ATP9B: variants seen among roughly 807,000 people sequenced by gnomAD.
The protein encoded by ATP9B is probable phospholipid-transporting ATPase IIB.
ATP9B carries 110 observed loss-of-function variants against 146.1 expected under a neutral mutation model. The ratio of observed to expected loss-of-function variants is 0.75; its 90% CI spans 0.65 to 0.88. ATP9B has a LOEUF of 0.88. Ranked by LOEUF, ATP9B falls within the 40% of genes least tolerant of loss-of-function variation. ATP9B has a pLI of 0.00. For synonymous variants in ATP9B, 604 were observed against 569.7 expected (o/e 1.06, Z -0.86); for missense variants, 1,499 against 1,496.4 (o/e 1.00, Z -0.03).
intron 1 of ATP9B, among the ~76,000 whole-genome samples, chr18:79,079,291 G>A (rs1331163577): frequency 1.3e-5 from 2 of 152,200 alleles, no homozygotes; most frequent in Non-Finnish European, 2.9e-5. Context: ...GTATAAAAGT[G>A]TTCCTGTTTC....
intron 12 of ATP9B, among the ~76,000 whole-genome samples, chr18:79,258,250 A>G (rs910327263): frequency 6.6e-6 from 1 of 152,124 alleles, no homozygotes; most frequent in Non-Finnish European, 1.5e-5. Context: ...ACATGGTGAA[A>G]CCTGGTCTCT....
At chr18:79,130,411 C>A (rs2094357402) in intron 5 of ATP9B, among the ~76,000 whole-genome samples, 3 of 123,746 alleles carry the variant, frequency 2.4e-5, no homozygotes, top group African/African-American at 7.5e-5. Context: ...GTTTGAGGAG[C>A]AGAAAGAATG....
At chr18:79,337,155 G>A (rs953305923) in intron 18 of ATP9B, 124 bp from the exon 19 acceptor site, 17 of 1,267,172 alleles carry the variant, frequency 1.3e-5, no homozygotes, top group Non-Finnish European at 2.2e-6. Flanking sequence ...TACACACACA[G>A]CACGTACACG....
intron 26 of ATP9B, among the ~76,000 whole-genome samples, chr18:79,367,223 C>G: frequency 8.4e-6 from 1 of 118,648 alleles, no homozygotes; most frequent in Non-Finnish European, 1.7e-5. Flanking sequence ...AGTGCCTCCT[C>G]AACCAGAGAG....
chr18:79,228,374 C>G (rs1185624170), intron 11 of ATP9B, among the ~76,000 whole-genome samples: 1 of 152,212 alleles, frequency 6.6e-6, no homozygotes, highest in Non-Finnish European at 1.5e-5. Context: ...TCCATCTCCT[C>G]AAATTCCGCT....
At chr18:79,098,296 C>CT (rs2074979189) in intron 2 of ATP9B, among the ~76,000 whole-genome samples, 1 of 150,312 alleles carries the variant, frequency 6.7e-6, no homozygotes, top group African/African-American at 2.5e-5. Context: ...AAAACCTAGG[C>CT]ATTACCATTC....
intron 8 of ATP9B, among the ~76,000 whole-genome samples, chr18:79,192,843 T>C (rs766298624): frequency 2.6e-5 from 4 of 152,136 alleles, no homozygotes; most frequent in Non-Finnish European, 5.9e-5. Context: ...TATTTCCCCC[T>C]GAATACTTTG....
At chr18:79,282,298 A>G (rs2096386069) in intron 13 of ATP9B, among the ~76,000 whole-genome samples, 2 of 152,368 alleles carry the variant, frequency 1.3e-5, no homozygotes, top group Non-Finnish European at 2.9e-5. Flanking sequence ...CATCGACTTC[A>G]GTTTCAAATG....
intron 11 of ATP9B, among the ~76,000 whole-genome samples, chr18:79,242,587 G>C (rs1266521426): frequency 6.6e-6 from 1 of 152,176 alleles, no homozygotes; most frequent in Admixed American, 6.5e-5. Flanking sequence ...CTTTATTGTA[G>C]AGTGTCAACT....
rs1408837611 is a variant in ATP9B at position 79,110,944 on chromosome 18, AG to A, written c.444+440del. Among the ~76,000 whole-genome samples, 3 of 152,242 alleles carry A rather than the reference AG, an allele frequency of 2.0e-5. No homozygotes were observed. In the East Asian group the frequency reaches 5.8e-4, roughly 29 times the overall value. ...ACAATTTTTTATACTGAAATGATAC[AG>A]TAACAAAGTATCTGTAATATGCATA... is the stretch of plus-strand genomic sequence containing the variant. On this transcript the variant is annotated intron_variant, in intron 3 of 29. Coordinates refer to ENST00000426216, the MANE Select transcript of ATP9B (RefSeq NM_198531.5).
chr18:79,221,974 C>T (rs1035921203), intron 11 of ATP9B, among the ~76,000 whole-genome samples: 1 of 145,040 alleles, frequency 6.9e-6, no homozygotes, highest in Non-Finnish European at 1.5e-5. Flanking sequence ...TTTAAACATA[C>T]AGAAAACTAA....
chr18:79,268,471 T>C (rs540660167), intron 12 of ATP9B, among the ~76,000 whole-genome samples: 3 of 152,288 alleles, frequency 2.0e-5, no homozygotes, highest in Admixed American at 6.5e-5. Flanking sequence ...GCAACTTTTT[T>C]CTCCAGCAGT....
intron 13 of ATP9B, 100 bp downstream of exon 13, chr18:79,277,296 T>C: frequency 1.4e-6 from 2 of 1,423,358 alleles, no homozygotes; most frequent in East Asian, 2.3e-5. Flanking sequence ...TGTATATATG[T>C]GTATGTATTG....
rs112774086 is a variant in ATP9B, at chr18:79,375,322, G to A, written c.3275-72G>A. On this transcript the variant is annotated intron_variant, in intron 28 of 29. Coordinates refer to ENST00000426216, the MANE Select transcript of ATP9B (RefSeq NM_198531.5). Reference sequence around the variant, plus strand: ...TTTTTAATGTATTTCTTATTCTTTTGCTAACCCCTTGAAATATCCTGGTAT... The same window carrying A: ...TTTTTAATGTATTTCTTATTCTTTTACTAACCCCTTGAAATATCCTGGTAT... 4 of 1,347,466 alleles carry A rather than the reference G, an allele frequency of 3.0e-6. No individual in the cohort carries two copies. In the African/African-American group the frequency reaches 5.9e-5, roughly 20 times the overall value. 83.5% of individuals were successfully genotyped at this position (1,347,466 alleles called of 1,614,324 possible).
Position 79,374,035 on chromosome 18 carries a change from G to T in ATP9B, c.3208G>T (p.Val1070Leu). 5 of 1,614,220 alleles carry T rather than the reference G, an allele frequency of 3.1e-6. No individual in the cohort carries two copies. Among genetic ancestry groups the T allele is most frequent in the Non-Finnish European group, 4.2e-6 (5 of 1,180,042 alleles). ...CGTCCGCACGTGGCACTGGCTGATG[G>T]TGGTGGCCGAGTTCCTCAGCTTAGG... is the stretch of plus-strand genomic sequence containing the variant. ...LTVRTWHWLM[V>L]VAEFLSLGCY... The change falls in exon 28 of 30, where the codon GTG becomes TTG. Residue 1070 changes from valine to leucine, a missense_variant. Val to Leu is a conservative substitution (Grantham distance 32). Coordinates refer to ENST00000426216, the MANE Select transcript of ATP9B (RefSeq NM_198531.5).
At chr18:79,183,792 TA>T (rs56149975) in intron 8 of ATP9B, among the ~76,000 whole-genome samples, 44,269 of 143,840 alleles carry the variant, frequency 0.31, 8,396 homozygotes, top group African/African-American at 0.55. Context: ...AGTTTAAAGT[TA>T]AAAAAAAAAA....
chr18:79,337,356 G>A lies in ATP9B; in HGVS notation c.2190G>A (p.Arg730=). The change falls in exon 19 of 30, where the codon AGG becomes AGA. Residue 730 remains arginine (R), a synonymous_variant. Transcript: ENST00000426216. The part of the protein sequence containing the change: ...KVAAVVESLE[R]EMELLCLTGV... ...CCGCGGTAGTCGAGAGCCTGGAGAGGGAGATGGAACTGCTGTGCCTCACCG... is the reference window on the plus strand; with the variant it reads ...CCGCGGTAGTCGAGAGCCTGGAGAGAGAGATGGAACTGCTGTGCCTCACCG... 1.2e-6 allele frequency: 2 copies of A among 1,614,148 alleles called. No homozygotes were observed. Among genetic ancestry groups the A allele is most frequent in the Non-Finnish European group, 8.5e-7 (1 of 1,180,046 alleles).
chr18:79,084,265 G>A (rs1225338770), intron 1 of ATP9B, among the ~76,000 whole-genome samples: 6 of 151,828 alleles, frequency 4.0e-5, no homozygotes, highest in African/African-American at 9.7e-5. Context: ...GGTACCCCGG[G>A]TATGAGTACC....
intron 8 of ATP9B, among the ~76,000 whole-genome samples, chr18:79,177,948 G>T (rs1419217383): frequency 6.6e-6 from 1 of 152,176 alleles, no homozygotes; most frequent in East Asian, 1.9e-4. Flanking sequence ...TATGTTTAGA[G>T]TTATTACAAC....
Sources: allele counts gnomAD v4.1 joint callset (sites outside exome capture counted in the v4.1 genomes callset), GRCh38; gene constraint gnomAD v4.1.1; transcripts MANE v1.5; gene names NCBI Gene and HGNC (gene_info 2026-07-23, HGNC 2026-07-21).